CTNNA2: variants seen among roughly 807,000 people sequenced by gnomAD.
The protein encoded by CTNNA2 is catenin alpha-2.
In CTNNA2, 42 loss-of-function variants were observed where a neutral mutation model predicts 101.0. The observed-to-expected ratio is 0.42, with a 90% CI of 0.32 to 0.54. The LOEUF (loss-of-function observed/expected upper bound fraction) is 0.54, where lower values mean the gene tolerates loss of function less well. CTNNA2 is among the 20% of genes least tolerant of loss of function. The pLI, the probability that CTNNA2 is intolerant of heterozygous loss-of-function variation, is 0.14. For synonymous variants in CTNNA2, 450 were observed against 456.4 expected, an observed-to-expected ratio of 0.99 and a Z score of 0.18; for missense variants, 871 against 1,223.1, an observed-to-expected ratio of 0.71 and a Z score of 4.29.
At chr2:80,467,518 T>C (rs1181833264) in intron 9 of CTNNA2, among the ~76,000 whole-genome samples, 1 of 152,202 alleles carries the variant, frequency 6.6e-6, no homozygotes, top group Non-Finnish European at 1.5e-5. Flanking sequence ...AACTTCACTT[T>C]AATGATCTAG....
chr2:80,292,819 G>A (rs1011515539), intron 7 of CTNNA2, among the ~76,000 whole-genome samples: 1 of 152,350 alleles, frequency 6.6e-6, no homozygotes, highest in East Asian at 1.9e-4. Flanking sequence ...ATAATCGGAA[G>A]TTAAAAGCAT....
intron 3 of CTNNA2, among the ~76,000 whole-genome samples, chr2:79,765,405 C>T (rs537648368): frequency 1.3e-5 from 2 of 152,208 alleles, no homozygotes; most frequent in Non-Finnish European, 2.9e-5. Flanking sequence ...ACAAATATTC[C>T]AAGTAGTTTC....
At chr2:80,435,838 C>A (rs1212363637) in intron 9 of CTNNA2, among the ~76,000 whole-genome samples, 2 of 152,166 alleles carry the variant, frequency 1.3e-5, no homozygotes, top group Non-Finnish European at 2.9e-5. Flanking sequence ...TTCCATTAAT[C>A]CCTTTTAAGA....
intron 9 of CTNNA2, among the ~76,000 whole-genome samples, chr2:80,494,651 G>A (rs1687306933): frequency 7.5e-6 from 1 of 133,912 alleles, no homozygotes; most frequent in South Asian, 2.2e-4. Flanking sequence ...GCATGATTTA[G>A]TTAGAACTGC....
At chr2:80,055,677 G>C (rs1697171921) in intron 7 of CTNNA2, among the ~76,000 whole-genome samples, 1 of 152,130 alleles carries the variant, frequency 6.6e-6, no homozygotes, top group Non-Finnish European at 1.5e-5. Flanking sequence ...TCTTTAGGCT[G>C]AGAGTACACT....
chr2:79,258,068 T>C (rs1674872176), intron 2 of CTNNA2, among the ~76,000 whole-genome samples: 3 of 152,192 alleles, frequency 2.0e-5, no homozygotes, highest in Non-Finnish European at 4.4e-5. Flanking sequence ...ACTACTCCAG[T>C]ATTAATGCAT....
intron 2 of CTNNA2, among the ~76,000 whole-genome samples, chr2:79,292,698 G>T (rs528566035): frequency 6.6e-6 from 1 of 152,146 alleles, no homozygotes; most frequent in Non-Finnish European, 1.5e-5. Flanking sequence ...AAAAAATAAC[G>T]TTATGAATTT....
intron 4 of CTNNA2, among the ~76,000 whole-genome samples, chr2:79,381,808 G>A (rs1678042034): frequency 6.6e-6 from 1 of 152,178 alleles, no homozygotes; most frequent in African/African-American, 2.4e-5. Flanking sequence ...TCTGTGTGTT[G>A]TGGGTGATGA....
At chr2:80,080,948 TAAAAAAAA>T (rs79785271) in intron 7 of CTNNA2, among the ~76,000 whole-genome samples, 8 of 87,588 alleles carry the variant, frequency 9.1e-5, no homozygotes, top group Admixed American at 2.9e-4. Context: ...TTCTCCCACT[TAAAAAAAA>T]AAAAAAAAAA....
At chr2:79,984,054 C>T (rs1028397707) in intron 7 of CTNNA2, among the ~76,000 whole-genome samples, 2 of 152,074 alleles carry the variant, frequency 1.3e-5, no homozygotes, top group African/African-American at 2.4e-5. Context: ...CAAGCTGTGC[C>T]GAAGATTACC....
chr2:79,583,234 C>T (rs1676260269), intron 1 of CTNNA2, among the ~76,000 whole-genome samples: 1 of 150,908 alleles, frequency 6.6e-6, no homozygotes, highest in Non-Finnish European at 1.5e-5. Context: ...ATATATATAT[C>T]AACAAAGGAA....
At chr2:79,622,357 C>G (rs760392773) in intron 1 of CTNNA2, among the ~76,000 whole-genome samples, 1 of 152,040 alleles carries the variant, frequency 6.6e-6, no homozygotes, top group Non-Finnish European at 1.5e-5. Context: ...AAGCTGGATG[C>G]GTTAAACTCT....
intron 3 of CTNNA2, among the ~76,000 whole-genome samples, chr2:79,335,425 C>A (rs1676972762): frequency 6.6e-6 from 1 of 152,178 alleles, no homozygotes; most frequent in Non-Finnish European, 1.5e-5. Context: ...ACATGCTTTA[C>A]TAGAACTTTG....
chr2:80,364,702 C>T (rs879110148), intron 7 of CTNNA2, among the ~76,000 whole-genome samples: 1 of 151,888 alleles, frequency 6.6e-6, no homozygotes, highest in African/African-American at 2.4e-5. Flanking sequence ...TGTAAATAAA[C>T]ACTTCAACTC....
At chr2:79,521,007 A>G (rs1672074422) in intron 1 of CTNNA2, among the ~76,000 whole-genome samples, 1 of 151,266 alleles carries the variant, frequency 6.6e-6, no homozygotes, top group Non-Finnish European at 1.5e-5. Flanking sequence ...ATGAAAATTA[A>G]TAACAGCATA....
chr2:80,511,026 T>C (rs1464637349), intron 9 of CTNNA2, among the ~76,000 whole-genome samples: 2 of 152,194 alleles, frequency 1.3e-5, no homozygotes, highest in Admixed American at 1.3e-4. Flanking sequence ...AAGGGAAGGC[T>C]TTGGTGGCAA....
At chr2:80,066,598 G>A (rs2148768787) in intron 7 of CTNNA2, among the ~76,000 whole-genome samples, 1 of 152,274 alleles carries the variant, frequency 6.6e-6, no homozygotes, top group Middle Eastern at 3.4e-3. Context: ...AAGTGTTGAT[G>A]AGGATTTGGA....
chr2:79,651,596 C>T lies in CTNNA2; in HGVS notation c.40C>T (p.Pro14Ser), dbSNP rs762317505. The T allele has an allele frequency of 6.2e-7, 1 of 1,613,794 alleles. No homozygotes were observed. Among genetic ancestry groups the T allele is most frequent in the Non-Finnish European group, 8.5e-7 (1 of 1,179,834 alleles). ...ATSPIILKWD[P>S]KSLEIRTLTV... is the part of the protein sequence containing the mutation. ...TTCACCTATCATTCTGAAATGGGACCCCAAAAGTTTGGAAATCCGGACGCT... is the reference window on the plus strand; with the variant it reads ...TTCACCTATCATTCTGAAATGGGACTCCAAAAGTTTGGAAATCCGGACGCT... Residue 14 changes from proline (P) to serine (S), a missense_variant, in exon 2 of 19, where the codon CCC becomes TCC. Physicochemically the swap from Pro to Ser is moderately conservative, Grantham distance 74. This residue lies in a region of CTNNA2 where 647 missense variants were observed against 831.5 expected (regional missense o/e 0.78). Coordinates refer to ENST00000402739, the MANE Select transcript of CTNNA2 (RefSeq NM_001282597.3).
At chr2:80,384,124 A>C (rs1272798356) in intron 7 of CTNNA2, among the ~76,000 whole-genome samples, 1 of 152,134 alleles carries the variant, frequency 6.6e-6, no homozygotes, top group Non-Finnish European at 1.5e-5. Context: ...ACATGAACAC[A>C]TGGACACAAA....
Sources: allele counts gnomAD v4.1 joint callset (sites outside exome capture counted in the v4.1 genomes callset), GRCh38; gene constraint gnomAD v4.1.1; regional missense constraint gnomAD v4.1.1; transcripts MANE v1.5; gene names NCBI Gene and HGNC (gene_info 2026-07-23, HGNC 2026-07-21).